USP49: variants seen among roughly 807,000 people sequenced by gnomAD.
USP49 encodes ubiquitin carboxyl-terminal hydrolase 49.
A neutral mutation model predicts 58.6 loss-of-function variants in USP49; 24 were observed. The observed-to-expected ratio is 0.41, with a 90% CI of 0.30 to 0.58. The LOEUF is 0.58. Ranked by LOEUF, USP49 falls within the 20% of genes least tolerant of loss-of-function variation. USP49 has a pLI of 0.30. For missense variants in USP49, 703 were observed against 866.1 expected (o/e 0.81, Z 2.36); for synonymous variants, 408 against 365.1 (o/e 1.12, Z -1.34).
At chr6:41,886,296 C>T (rs1332852577) in intron 2 of USP49, among the ~76,000 whole-genome samples, 1 of 152,204 alleles carries the variant, frequency 6.6e-6, no homozygotes, top group Non-Finnish European at 1.5e-5. Context: ...AAAAACATAA[C>T]ATTAATATAG....
rs72867173 is a variant in USP49, at chr6:41,892,575, T to C, written c.-184-700A>G. Among the ~76,000 whole-genome samples the C allele has an allele frequency of 9.3e-3, 1,424 of 152,312 alleles. 9 individuals carry two copies. Among genetic ancestry groups the C allele is most frequent in the Non-Finnish European group, 0.016 (1,084 of 68,030 alleles). On this transcript the variant is annotated intron_variant, in intron 1 of 7. Transcript: ENST00000682992. ...GAAACAAACCATAAACTAAATACTA[T>C]GCCACTAACACAGTAGCTGAATGCA... is the stretch of plus-strand genomic sequence containing the variant.
intron 2 of USP49, among the ~76,000 whole-genome samples, chr6:41,890,125 G>A (rs1052817346): frequency 6.6e-6 from 1 of 152,072 alleles, no homozygotes; most frequent in Non-Finnish European, 1.5e-5. Context: ...GGGCACGGTG[G>A]CTCACGCCTG....
At chr6:41,798,665 A>C in intron 7 of USP49, 59 bp downstream of exon 7, 1 of 1,612,776 alleles carries the variant, frequency 6.2e-7, no homozygotes, top group African/African-American at 1.3e-5. Flanking sequence ...AAAACAATAA[A>C]ATGTGGACAA....
intron 3 of USP49, among the ~76,000 whole-genome samples, chr6:41,819,124 G>A (rs1773410248): frequency 6.6e-6 from 1 of 151,838 alleles, no homozygotes; most frequent in Admixed American, 6.6e-5. Context: ...TACAAGGTCG[G>A]GTTCGGATAA....
intron 3 of USP49, among the ~76,000 whole-genome samples, chr6:41,868,391 G>A (rs935836089): frequency 7.2e-5 from 11 of 152,106 alleles, no homozygotes; most frequent in African/African-American, 1.2e-4. Context: ...GCAATAGTGC[G>A]ATCTTGGCTC....
At position 41,876,105 on chromosome 6, in the gene USP49, A is replaced by G. The variant is rs552153146; in HGVS notation, c.-102-4468T>C. ...AAAGTCCCAAATATACAATTAGAAG[A>G]TTCATGAATGAAAGCAAAACATATT... On this transcript the variant is annotated intron_variant, in intron 2 of 7. Coordinates refer to ENST00000682992, the MANE Select transcript of USP49 (RefSeq NM_001286554.2). Among the ~76,000 whole-genome samples the G allele has an allele frequency of 2.0e-5, 3 of 152,330 alleles. No homozygotes were observed. In the South Asian group the frequency reaches 6.2e-4, roughly 32 times the overall value.
At chr6:41,812,879 A>G (rs1297985767) in intron 3 of USP49, among the ~76,000 whole-genome samples, 1 of 152,222 alleles carries the variant, frequency 6.6e-6, no homozygotes, top group Non-Finnish European at 1.5e-5. Flanking sequence ...CTATCTGTAT[A>G]TATTCTCTAT....
At chr6:41,866,198 C>T (rs1299497590) in intron 3 of USP49, among the ~76,000 whole-genome samples, 3 of 151,686 alleles carry the variant, frequency 2.0e-5, no homozygotes, top group African/African-American at 4.8e-5. Context: ...GGTATACAGG[C>T]GTTAGCCACT....
rs1195078696 is a variant in USP49, at chr6:41,792,155, CTCAG to C, written c.*4374_*4377del. The stretch of plus-strand genomic sequence containing the variant: ...ACCTTCCACATTCACTCAGCGCCAT[CTCAG>C]TCAGCGCCTGCCAGGGAAAGGGCAT... On this transcript the variant is annotated 3_prime_UTR_variant, in exon 8 of 8. Coordinates refer to ENST00000682992, the MANE Select transcript of USP49 (RefSeq NM_001286554.2). 2 of 152,296 alleles carry C rather than the reference CTCAG, an allele frequency of 1.3e-5. No individual in the cohort carries two copies. The highest frequency in any genetic ancestry group is 2.9e-5 in the Non-Finnish European group (2 of 68,080). The allele number at this position is 152,296 out of a possible 1,614,324, so 9.4% of individuals were successfully genotyped here.
At chr6:41,851,579 C>G (rs754550825) in intron 3 of USP49, among the ~76,000 whole-genome samples, 14 of 152,120 alleles carry the variant, frequency 9.2e-5, no homozygotes, top group Non-Finnish European at 1.5e-4. Context: ...AGGAACAAGC[C>G]AAGCATGCAC....
intron 5 of USP49, among the ~76,000 whole-genome samples, chr6:41,802,964 G>T (rs1019656519): frequency 6.6e-6 from 1 of 152,178 alleles, no homozygotes; most frequent in Non-Finnish European, 1.5e-5. Context: ...TCATGAAGCT[G>T]CCACTGAGCA....
In USP49 at chr6:41,806,694, C is replaced by T; in HGVS notation, c.290G>A (p.Ser97Asn). 1 of 1,614,254 alleles carries T rather than the reference C, an allele frequency of 6.2e-7. No individual in the cohort carries two copies. The highest frequency in any genetic ancestry group is 8.5e-7 in the Non-Finnish European group (1 of 1,180,050). The change falls in exon 4 of 8, where the codon AGC becomes AAC. Residue 97 changes from serine to asparagine, a missense_variant. Ser to Asn is a conservative substitution (Grantham distance 46). Around this residue, in one of 6 missense-constraint regions of USP49, gnomAD observed 376 missense variants for 373.5 expected, o/e 1.01. Transcript: ENST00000682992. The surrounding 1 kb of genome is among the most constrained non-coding windows in gnomAD (Gnocchi z 5.9). The stretch of plus-strand genomic sequence containing the variant: ...CTGGCCCCGGACCGCCAGGAGGGAG[C>T]TTCTTAGCAGCTTCAGGTCCCCCTC... ...NPEGDLKLLRSSLLAVRGQKQ... is the reference protein window; with the variant it reads ...NPEGDLKLLRNSLLAVRGQKQ...
intron 3 of USP49, among the ~76,000 whole-genome samples, chr6:41,864,723 C>T (rs897482610): frequency 2.0e-5 from 3 of 152,010 alleles, no homozygotes; most frequent in African/African-American, 7.2e-5. Flanking sequence ...GTTTCTTTTT[C>T]CATTAATATT....
intron 3 of USP49, among the ~76,000 whole-genome samples, chr6:41,812,033 T>A (rs1773265434): frequency 6.6e-6 from 1 of 151,994 alleles, no homozygotes; most frequent in Non-Finnish European, 1.5e-5. Context: ...TGGTTACTAC[T>A]CCAGTCCTGA....
chr6:41,890,235 T>C (rs1266404761), intron 2 of USP49, among the ~76,000 whole-genome samples: 1 of 151,314 alleles, frequency 6.6e-6, no homozygotes, highest in Non-Finnish European at 1.5e-5. Context: ...AAACCTTGGC[T>C]GGATGTGGTG....
intron 3 of USP49, among the ~76,000 whole-genome samples, chr6:41,840,386 A>AT (rs1773804533): frequency 6.6e-6 from 1 of 151,158 alleles, no homozygotes; most frequent in East Asian, 1.9e-4. Flanking sequence ...AAAAAAAAAA[A>AT]AAAGAAAATT....
At chr6:41,830,641 A>C (rs1417969915) in intron 3 of USP49, among the ~76,000 whole-genome samples, 1 of 152,120 alleles carries the variant, frequency 6.6e-6, no homozygotes, top group African/African-American at 2.4e-5. Flanking sequence ...AGCCTGGCCA[A>C]CATGGTGAAA....
chr6:41,884,057 C>A (rs1426539575), intron 2 of USP49, among the ~76,000 whole-genome samples: 6 of 151,902 alleles, frequency 3.9e-5, no homozygotes, highest in Non-Finnish European at 5.9e-5. Context: ...GGAGTCTCAC[C>A]CTGTCACTCA....
chr6:41,856,296 A>C (rs1229451147), intron 3 of USP49, among the ~76,000 whole-genome samples: 1 of 150,570 alleles, frequency 6.6e-6, no homozygotes, highest in African/African-American at 2.5e-5. Context: ...AATGGCGTGA[A>C]CTCGGGAGGC....
Sources: allele counts gnomAD v4.1 joint callset (sites outside exome capture counted in the v4.1 genomes callset), GRCh38; gene constraint gnomAD v4.1.1; regional missense constraint gnomAD v4.1.1; non-coding constraint Gnocchi (gnomAD v3.1); transcripts MANE v1.5; gene names NCBI Gene and HGNC (gene_info 2026-07-23, HGNC 2026-07-21).